PKD2L1: variants seen among roughly 807,000 people sequenced by gnomAD.
The protein encoded by PKD2L1 is polycystin 2 like 1, transient receptor potential cation channel.
In PKD2L1, 77 loss-of-function variants were observed where a neutral mutation model predicts 93.0. The observed-to-expected ratio is 0.83, with a 90% CI of 0.69 to 1.00. The LOEUF (loss-of-function observed/expected upper bound fraction) is 1.00. Among genes scored for constraint, PKD2L1 ranks in the 50% least tolerant of loss-of-function variants. PKD2L1 has a pLI of 0.00. For synonymous variants in PKD2L1, 390 were observed against 388.0 expected (o/e 1.01, Z -0.06); for missense variants, 977 against 990.9 (o/e 0.99, Z 0.19).
At chr10:100,329,093 C>A in intron 2 of PKD2L1, 118 bp downstream of exon 2, 1 of 868,534 alleles carries the variant, frequency 1.2e-6, no homozygotes, top group South Asian at 1.7e-5. Flanking sequence ...CCGGATATAG[C>A]CTGCTTACAC....
chr10:100,306,173 A>G (rs73341806), intron 2 of PKD2L1, among the ~76,000 whole-genome samples: 7,515 of 152,250 alleles, frequency 0.049, 633 homozygotes, highest in African/African-American at 0.17. Flanking sequence ...GGATTGCTAT[A>G]GGTTTAGGTG....
rs1486187876 is a variant in PKD2L1 at position 100,293,350 on chromosome 10, T to C, written c.1689A>G (p.Thr563=). The C allele has an allele frequency of 6.2e-7, 1 of 1,613,146 alleles. No individual in the cohort carries two copies. The highest frequency in any genetic ancestry group is 1.3e-5 in the African/African-American group (1 of 74,902). The part of the protein sequence containing the change: ...LNMFLAIIND[T]YSEVKEELAG... ...CCAGCTCCTCCTTGACCTCTGAATA[T>C]GTGTCATTGATGATGGCCAGGAACA... Residue 563 remains threonine (T), a synonymous_variant, in exon 10 of 16, where the codon ACA becomes ACG. Coordinates refer to ENST00000318222, the MANE Select transcript of PKD2L1 (RefSeq NM_016112.3).
chr10:100,327,784 T>C (rs776262520), intron 2 of PKD2L1, among the ~76,000 whole-genome samples: 14 of 152,228 alleles, frequency 9.2e-5, no homozygotes, highest in Non-Finnish European at 2.1e-4. Flanking sequence ...GTTCCTCACA[T>C]GCACTGTGTC....
chr10:100,297,039 T>TGTGCTGAGGTAGCGAAGCCG lies in PKD2L1; in HGVS notation c.1125_1126insCGGCTTCGCTACCTCAGCAC (p.Ile376ArgfsTer43). ...CTGCTGAGGTAGCGAAGCCGGTGAA[T>TGTGCTGAGGTAGCGAAGCCG]GTGGAGCTCCAGGATCTCTTCCACC... is the stretch of plus-strand genomic sequence containing the variant. On this transcript the variant is annotated frameshift_variant, in exon 6 of 16. Transcript: ENST00000318222. LOFTEE classifies it high-confidence loss of function. 1 of 1,614,122 alleles carries TGTGCTGAGGTAGCGAAGCCG rather than the reference T, an allele frequency of 6.2e-7. No homozygotes were observed. Among genetic ancestry groups the TGTGCTGAGGTAGCGAAGCCG allele is most frequent in the Non-Finnish European group, 8.5e-7 (1 of 1,180,000 alleles).
intron 2 of PKD2L1, among the ~76,000 whole-genome samples, chr10:100,321,681 AAGAAAGAAAGAAAG>A (rs1849234953): frequency 3.8e-3 from 3 of 786 alleles, no homozygotes; most frequent in African/African-American, 0.012. Flanking sequence ...GAAAGAAAGA[AAGAAAGAAAGAAAG>A]AAAGAAAGAA....
intron 6 of PKD2L1, 72 bp downstream of exon 6, chr10:100,296,908 C>G: frequency 1.0e-6 from 1 of 963,256 alleles, no homozygotes. Flanking sequence ...AAGGAAGAAC[C>G]TGGAGCCCCT....
intron 2 of PKD2L1, among the ~76,000 whole-genome samples, chr10:100,306,957 A>T (rs1050406936): frequency 1.3e-5 from 2 of 151,132 alleles, no homozygotes; most frequent in Non-Finnish European, 2.9e-5. Flanking sequence ...CTACATCCCC[A>T]CTAGTTTCTA....
intron 11 of PKD2L1, among the ~76,000 whole-genome samples, chr10:100,292,473 A>G (rs1279969344): frequency 3.3e-5 from 5 of 151,464 alleles, no homozygotes; most frequent in African/African-American, 1.2e-4. Context: ...AGCCTGGGCA[A>G]CAGAGCAGGA....
chr10:100,291,360 T>C lies in PKD2L1; in HGVS notation c.1948A>G (p.Asn650Asp). The change falls in exon 12 of 16, where the codon AAT becomes GAT. Residue 650 changes from asparagine to aspartate, a missense_variant. Transcript: ENST00000318222. The stretch of plus-strand genomic sequence containing the variant: ...TGTTCCTTCTCATCCAGAATACGAT[T>C]CCCATCTCTGTCAAACTTGGTGAAG... ...ATFTKFDRDG[N>D]RILDEKEQEK... 6.2e-7 allele frequency: 1 copy of C among 1,614,082 alleles called. No individual in the cohort carries two copies. The highest frequency in any genetic ancestry group is 1.3e-5 in the African/African-American group (1 of 75,018).
At chr10:100,315,138 T>C (rs1200099850) in intron 2 of PKD2L1, among the ~76,000 whole-genome samples, 1 of 146,328 alleles carries the variant, frequency 6.8e-6, no homozygotes, top group East Asian at 2.0e-4. Context: ...GTTGAAATGA[T>C]TATATACCAA....
chr10:100,310,779 G>A (rs1284113366), intron 2 of PKD2L1, among the ~76,000 whole-genome samples: 17 of 152,030 alleles, frequency 1.1e-4, no homozygotes, highest in African/African-American at 4.1e-4. Flanking sequence ...GCGCAATCTC[G>A]GCTCACTGCA....
chr10:100,326,611 T>C (rs1223941436), intron 2 of PKD2L1, among the ~76,000 whole-genome samples: 1 of 152,232 alleles, frequency 6.6e-6, no homozygotes, highest in Non-Finnish European at 1.5e-5. Flanking sequence ...AGGCATCACA[T>C]AGATGAAGTC....
chr10:100,307,004 C>T (rs2133554269), intron 2 of PKD2L1, among the ~76,000 whole-genome samples: 1 of 152,152 alleles, frequency 6.6e-6, no homozygotes, highest in East Asian at 1.9e-4. Flanking sequence ...TTTGACTCTA[C>T]AGTCAAGAAC....
chr10:100,299,799 G>T, intron 2 of PKD2L1, 81 bp from the exon 3 acceptor site: 2 of 1,318,010 alleles, frequency 1.5e-6, no homozygotes, highest in Non-Finnish European at 2.2e-6. Flanking sequence ...TGGAGTCAGA[G>T]ATGCTTCCAA....
At chr10:100,295,177 A>C (rs889248040) in intron 7 of PKD2L1, 54 bp from the exon 8 acceptor site, 1 of 1,510,986 alleles carries the variant, frequency 6.6e-7, no homozygotes, top group African/African-American at 1.4e-5. Flanking sequence ...AAAAGCATTG[A>C]AAAGTCCATG....
At chr10:100,316,362 G>C (rs1024689130) in intron 2 of PKD2L1, among the ~76,000 whole-genome samples, 8 of 152,270 alleles carry the variant, frequency 5.3e-5, no homozygotes, top group Admixed American at 4.6e-4. Context: ...AGTAGAGATG[G>C]GGTTTCTCCA....
intron 2 of PKD2L1, among the ~76,000 whole-genome samples, chr10:100,327,356 G>T (rs6584362): frequency 0.81 from 123,726 of 152,202 alleles, 50,573 homozygotes; most frequent in Non-Finnish European, 0.85. Flanking sequence ...ATTACTGAAC[G>T]AAGCCTGTGA....
At chr10:100,329,371 C>T (rs748263685) in intron 1 of PKD2L1, 47 bp from the exon 2 acceptor site, 9 of 1,613,252 alleles carry the variant, frequency 5.6e-6, no homozygotes, top group African/African-American at 2.7e-5. Context: ...GGCAGTGTTC[C>T]TCCCAGTCAT....
intron 2 of PKD2L1, among the ~76,000 whole-genome samples, chr10:100,317,605 G>A (rs1282280567): frequency 1.3e-5 from 2 of 152,160 alleles, no homozygotes; most frequent in Non-Finnish European, 2.9e-5. Context: ...CTAATGTCTG[G>A]CTTAATAGAA....
Sources: gnomAD v4.1 joint callset for allele counts (sites outside exome capture counted in the v4.1 genomes callset) on GRCh38, gnomAD v4.1.1 for gene constraint, MANE v1.5 for transcripts, NCBI Gene and HGNC (gene_info 2026-07-23, HGNC 2026-07-21) for gene names.